Variants in STAT3 observed in about 807,000 individuals in gnomAD.
STAT3 encodes signal transducer and activator of transcription 3, also known as DNA-binding protein APRF.
A neutral mutation model predicts 114.3 loss-of-function variants in STAT3; 7 were observed. That is an observed-to-expected ratio of 0.06 (90% CI 0.03 to 0.11). The LOEUF (loss-of-function observed/expected upper bound fraction) is 0.11. Ranked by LOEUF, STAT3 falls within the 10% of genes least tolerant of loss-of-function variation. The pLI is 1.00. For missense variants in STAT3, 364 were observed against 960.9 expected (o/e 0.38, Z 8.21); for synonymous variants, 331 against 354.5 (o/e 0.93, Z 0.74).
At chr17:42,334,231 G>C (rs1237452936) in intron 8 of STAT3, among the ~76,000 whole-genome samples, 182 bp from the exon 9 acceptor site, 1 of 152,064 alleles carries the variant, frequency 6.6e-6, no homozygotes, top group Non-Finnish European at 1.5e-5. Context: ...ACAGTTCAGT[G>C]ACATTAAGAA....
chr17:42,382,528 G>A (rs4796792), intron 1 of STAT3, among the ~76,000 whole-genome samples: 142,659 of 152,270 alleles, frequency 0.94, 67,539 homozygotes, highest in East Asian at 1. Context: ...CTCGGTCCCT[G>A]CAACATCTCC....
At chr17:42,355,277 C>A (rs904366266) in intron 1 of STAT3, among the ~76,000 whole-genome samples, 5 of 152,128 alleles carry the variant, frequency 3.3e-5, no homozygotes, top group African/African-American at 1.2e-4. Context: ...TAGAATTGGG[C>A]AACACTTCAT....
chr17:42,382,146 T>C (rs6503698), intron 1 of STAT3, among the ~76,000 whole-genome samples: 142,605 of 152,220 alleles, frequency 0.94, 67,513 homozygotes, highest in East Asian at 1. Flanking sequence ...ATTCATCCTA[T>C]AAAACCCTAT....
At chr17:42,383,646 A>G (rs1018687150) in intron 1 of STAT3, among the ~76,000 whole-genome samples, 1 of 152,096 alleles carries the variant, frequency 6.6e-6, no homozygotes, top group Non-Finnish European at 1.5e-5. Flanking sequence ...TATAACCACC[A>G]TATTAATTCT....
intron 4 of STAT3, among the ~76,000 whole-genome samples, chr17:42,341,089 C>T (rs1323089791): frequency 6.6e-6 from 1 of 152,148 alleles, no homozygotes; most frequent in Non-Finnish European, 1.5e-5. Context: ...CTAGTTTTAC[C>T]AACAATACAG....
intron 1 of STAT3, among the ~76,000 whole-genome samples, chr17:42,350,849 G>A (rs1219755207): frequency 2.6e-5 from 4 of 152,188 alleles, no homozygotes; most frequent in Non-Finnish European, 5.9e-5. Context: ...AAAGTTAAAA[G>A]AGGCTGGGTG....
rs564631489 is a variant in STAT3 at position 42,341,569 on chromosome 17, A to C, written c.373-2160T>G. 4.6e-5 allele frequency among the ~76,000 whole-genome samples: 7 copies of C among 152,356 alleles called. No homozygotes were observed. In the East Asian group the frequency reaches 1.3e-3, roughly 29 times the overall value. On this transcript the variant is annotated intron_variant, in intron 4 of 23. Coordinates refer to ENST00000264657, the MANE Select transcript of STAT3 (RefSeq NM_139276.3). ...TACTTATAATCCCAACTAGCCTGAC[A>C]GCCCTTGGTAGCAGGGATTACATCC... is the stretch of plus-strand genomic sequence containing the variant.
intron 10 of STAT3, among the ~76,000 whole-genome samples, chr17:42,332,695 T>C (rs184923532): frequency 3.2e-4 from 47 of 146,582 alleles, no homozygotes; most frequent in Non-Finnish European, 4.9e-4. Context: ...ATACAAAAAT[T>C]AGCCGGGCAT....
chr17:42,341,949 C>G (rs1273103714), intron 4 of STAT3, among the ~76,000 whole-genome samples: 1 of 152,046 alleles, frequency 6.6e-6, no homozygotes, highest in African/African-American at 2.4e-5. Context: ...TGAAAACATC[C>G]TTGGGATAAC....
intron 1 of STAT3, among the ~76,000 whole-genome samples, chr17:42,376,495 G>A (rs941397619): frequency 3.4e-5 from 5 of 147,100 alleles, no homozygotes; most frequent in Non-Finnish European, 6.0e-5. Context: ...TGCAGTGAGC[G>A]GAGATCATGC....
chr17:42,315,936 G>C (rs1393043858), intron 23 of STAT3, 136 bp from the exon 24 acceptor site: 14 of 1,557,544 alleles, frequency 9.0e-6, no homozygotes, highest in Admixed American at 1.9e-5. Context: ...CCCAGGGATG[G>C]TCAGAAAAGC....
chr17:42,369,097 C>T (rs938547281), intron 1 of STAT3, among the ~76,000 whole-genome samples: 1 of 152,114 alleles, frequency 6.6e-6, no homozygotes, highest in African/African-American at 2.4e-5. Context: ...CACGGTGGCT[C>T]ACACGTAATC....
chr17:42,358,867 C>T (rs1027833742), intron 1 of STAT3, among the ~76,000 whole-genome samples: 2 of 151,846 alleles, frequency 1.3e-5, no homozygotes, highest in African/African-American at 4.8e-5. Context: ...GCTGCTGGTG[C>T]CAGATCCTCA....
At chr17:42,323,796 C>G (rs948016535) in intron 17 of STAT3, among the ~76,000 whole-genome samples, 171 bp from the exon 18 acceptor site, 1 of 152,206 alleles carries the variant, frequency 6.6e-6, no homozygotes, top group African/African-American at 2.4e-5. Context: ...CAAACACTAT[C>G]CCATCATTTG....
intron 1 of STAT3, among the ~76,000 whole-genome samples, chr17:42,360,225 G>A (rs150759602): frequency 1.3e-5 from 2 of 151,706 alleles, no homozygotes; most frequent in Admixed American, 6.6e-5. Context: ...TAGAGATGGC[G>A]TCTGGCCATC....
chr17:42,350,541 C>T (rs2082896947), intron 1 of STAT3, among the ~76,000 whole-genome samples: 2 of 152,142 alleles, frequency 1.3e-5, no homozygotes, highest in South Asian at 4.1e-4. Flanking sequence ...CCTGCCTCAA[C>T]CTCCCAAAGT....
chr17:42,384,846 G>A (rs912239830), intron 1 of STAT3, among the ~76,000 whole-genome samples: 5 of 151,832 alleles, frequency 3.3e-5, no homozygotes, highest in African/African-American at 1.2e-4. Context: ...ATAAACCACC[G>A]CAAATTCTTT....
chr17:42,354,096 G>C (rs1049342907), intron 1 of STAT3, among the ~76,000 whole-genome samples: 1 of 151,644 alleles, frequency 6.6e-6, no homozygotes, highest in African/African-American at 2.4e-5. Context: ...ACATAACTAA[G>C]GATTTTTTGG....
At chr17:42,365,204 G>A (rs1222478748) in intron 1 of STAT3, among the ~76,000 whole-genome samples, 1 of 152,172 alleles carries the variant, frequency 6.6e-6, no homozygotes, top group East Asian at 1.9e-4. Flanking sequence ...TTCATTGGAA[G>A]TCTCATTCTC....
Sources: gnomAD v4.1 joint callset for allele counts (sites outside exome capture counted in the v4.1 genomes callset) on GRCh38, gnomAD v4.1.1 for gene constraint, MANE v1.5 for transcripts, NCBI Gene and HGNC (gene_info 2026-07-23, HGNC 2026-07-21) for gene names.